SHCBP1L: variants seen among roughly 807,000 people sequenced by gnomAD.
SHCBP1L encodes the protein testicular spindle-associated protein SHCBP1L.
SHCBP1L carries 67 observed loss-of-function variants against 62.5 expected under a neutral mutation model. That is an observed-to-expected ratio of 1.07 (90% CI 0.88 to 1.31). The LOEUF (loss-of-function observed/expected upper bound fraction) is 1.31. Ranked by LOEUF, SHCBP1L falls within the 40% of genes most tolerant of loss-of-function variation. SHCBP1L has a pLI of 0.00. For synonymous variants in SHCBP1L, 284 were observed against 289.4 expected (o/e 0.98, Z 0.19); for missense variants, 823 against 809.8 (o/e 1.02, Z -0.20).
chr1:182,940,750 C>G (rs1651336042), intron 2 of SHCBP1L, among the ~76,000 whole-genome samples: 1 of 151,836 alleles, frequency 6.6e-6, no homozygotes, highest in Non-Finnish European at 1.5e-5. Flanking sequence ...CATTTTTTTT[C>G]AGTTTCATGA....
At chr1:182,934,205 T>C (rs1295789143) in intron 5 of SHCBP1L, among the ~76,000 whole-genome samples, 1 of 152,174 alleles carries the variant, frequency 6.6e-6, no homozygotes. Context: ...AAATACCAAG[T>C]AGGATTGCAA....
At position 182,905,047 on chromosome 1, in the gene SHCBP1L, T is replaced by TTTG. The variant is rs556437004; in HGVS notation, c.1336+446_1336+448dup. 1.7e-3 allele frequency among the ~76,000 whole-genome samples: 260 copies of TTTG among 152,102 alleles called. 2 individuals are homozygous for TTTG. Among genetic ancestry groups the TTTG allele is most frequent in the African/African-American group, 5.8e-3 (242 of 41,522 alleles). On this transcript the variant is annotated intron_variant, in intron 7 of 9. Transcript: ENST00000367547. Reference sequence around the variant, plus strand: ...CAGGCGTGAGGCACCATATCCAGCTTTTGTTGTTGTTGTTGTTGTTGGTTA... The same window carrying TTTG: ...CAGGCGTGAGGCACCATATCCAGCTTTTGTTGTTGTTGTTGTTGTTGTTGGTTA...
chr1:182,928,412 G>C (rs1258331742), intron 6 of SHCBP1L, among the ~76,000 whole-genome samples: 1 of 152,172 alleles, frequency 6.6e-6, no homozygotes. Context: ...AGTGTTAAAT[G>C]TAGTCATGAT....
chr1:182,942,031 G>C, intron 2 of SHCBP1L: 1 of 872,034 alleles, frequency 1.1e-6, no homozygotes, highest in South Asian at 1.4e-5. Context: ...TTACAAAATA[G>C]TTGATAAAAA....
At chr1:182,940,212 G>T in intron 3 of SHCBP1L, 117 bp downstream of exon 3, 1 of 750,788 alleles carries the variant, frequency 1.3e-6, no homozygotes, top group Non-Finnish European at 2.1e-6. Flanking sequence ...ATTTAATCCA[G>T]CAGTAGTGAG....
rs1171542511 is a variant in SHCBP1L at position 182,924,697 on chromosome 1, A to AAAGGAAAGG, written c.1182+4949_1182+4950insCCTTTCCTT. ...AAAAGAAAGGAAAGGAAAGGAAAGG[A>AAAGGAAAGG]AAGGAAGAAAGAAAGAAAGAAAGAA... On this transcript the variant is annotated intron_variant, in intron 6 of 9. Coordinates refer to ENST00000367547, the MANE Select transcript of SHCBP1L (RefSeq NM_030933.4). Among the ~76,000 whole-genome samples the AAAGGAAAGG allele has an allele frequency of 5.1e-5, 5 of 97,292 alleles. 1 individual carries two copies. The highest frequency in any genetic ancestry group is 9.8e-5 in the Non-Finnish European group (5 of 50,826). 63.8% of individuals were successfully genotyped at this position (97,292 alleles called of 152,430 possible). A position where few individuals can be genotyped will look rare whatever the true frequency, so the allele number is the denominator to read the frequency against.
chr1:182,905,998 G>C (rs547818114), intron 6 of SHCBP1L, among the ~76,000 whole-genome samples: 1 of 152,082 alleles, frequency 6.6e-6, no homozygotes, highest in Non-Finnish European at 1.5e-5. Context: ...GCAATGCTGC[G>C]ATCTCGGCTC....
chr1:182,903,592 A>T (rs1417857159), intron 8 of SHCBP1L, among the ~76,000 whole-genome samples: 2 of 152,072 alleles, frequency 1.3e-5, no homozygotes, highest in African/African-American at 2.4e-5. Context: ...TCTTTTTCTC[A>T]TTCAGTTCTC....
intron 5 of SHCBP1L, among the ~76,000 whole-genome samples, chr1:182,930,653 A>ATGTGTGTGTGTG (rs1182783771): frequency 4.1e-5 from 1 of 24,652 alleles, no homozygotes; most frequent in Non-Finnish European, 7.7e-5. Flanking sequence ...CCTGGAGTAT[A>ATGTGTGTGTGTG]TGTGTGTGTG....
intron 6 of SHCBP1L, 74 bp downstream of exon 6, chr1:182,929,573 A>G (rs1650892838): frequency 2.2e-6 from 2 of 899,542 alleles, no homozygotes; most frequent in Non-Finnish European, 3.3e-6. Context: ...CAAGGACTCC[A>G]CCCTCAGGGA....
intron 6 of SHCBP1L, among the ~76,000 whole-genome samples, chr1:182,913,933 A>T (rs1557992441): frequency 1.3e-5 from 2 of 152,228 alleles, no homozygotes; most frequent in Non-Finnish European, 1.5e-5. Context: ...GTGAGCCAAG[A>T]TCATGCCATT....
chr1:182,952,306 G>A (rs1286001707), intron 1 of SHCBP1L, among the ~76,000 whole-genome samples: 2 of 139,320 alleles, frequency 1.4e-5, no homozygotes, highest in East Asian at 4.3e-4. Flanking sequence ...CCGCATTGTG[G>A]ACTGCTGAGT....
chr1:182,930,889 C>CTT (rs564364700), intron 5 of SHCBP1L, among the ~76,000 whole-genome samples: 9 of 114,258 alleles, frequency 7.9e-5, no homozygotes, highest in African/African-American at 1.4e-4. Flanking sequence ...CCTTGCCTGG[C>CTT]TTTTTTTTTT....
intron 6 of SHCBP1L, among the ~76,000 whole-genome samples, chr1:182,928,020 T>A (rs1479590419): frequency 1.3e-5 from 2 of 152,218 alleles, no homozygotes; most frequent in Non-Finnish European, 2.9e-5. Context: ...TTTAAAAAGA[T>A]GTTTTAAAAG....
intron 2 of SHCBP1L, among the ~76,000 whole-genome samples, chr1:182,948,036 T>C (rs1334811711): frequency 6.6e-6 from 1 of 152,242 alleles, no homozygotes. Context: ...AAGAATATAG[T>C]GTTTATCATA....
chr1:182,912,527 AT>A (rs34803527), intron 6 of SHCBP1L, among the ~76,000 whole-genome samples: 3,895 of 144,142 alleles, frequency 0.027, 49 homozygotes, highest in African/African-American at 0.034. Context: ...TGTAATATCA[AT>A]TTTTTTTTTT....
intron 6 of SHCBP1L, among the ~76,000 whole-genome samples, chr1:182,915,489 T>C (rs1650329351): frequency 6.6e-6 from 1 of 152,156 alleles, no homozygotes; most frequent in African/African-American, 2.4e-5. Flanking sequence ...ATAATAATAG[T>C]TGAAGATTTC....
At chr1:182,944,145 T>TAAATAAATAAATAAATAAAC (rs935288472) in intron 2 of SHCBP1L, among the ~76,000 whole-genome samples, 11 of 146,356 alleles carry the variant, frequency 7.5e-5, no homozygotes, top group African/African-American at 2.5e-4. Context: ...AATAAATAAA[T>TAAATAAATAAATAAATAAAC]AAATAAATAA....
chr1:182,921,532 T>C (rs1442146322), intron 6 of SHCBP1L, among the ~76,000 whole-genome samples: 3 of 152,192 alleles, frequency 2.0e-5, no homozygotes, highest in African/African-American at 7.2e-5. Flanking sequence ...TGAAAGTAAA[T>C]GGGTTATATG....
Sources: gnomAD v4.1 joint callset for allele counts (sites outside exome capture counted in the v4.1 genomes callset) on GRCh38, gnomAD v4.1.1 for gene constraint, MANE v1.5 for transcripts, NCBI Gene and HGNC (gene_info 2026-07-23, HGNC 2026-07-21) for gene names.